The following MRTFA variants were observed in gnomAD, a reference collection of about 807,000 sequenced individuals.
MRTFA encodes the protein myocardin-related transcription factor A.
MRTFA carries 20 observed loss-of-function variants against 83.5 expected under a neutral mutation model. That is an observed-to-expected ratio of 0.24 (90% confidence interval 0.17 to 0.35). The LOEUF is 0.35. Among genes scored for constraint, MRTFA ranks in the 10% least tolerant of loss-of-function variants. The probability of loss-of-function intolerance (pLI) is 1.00; values close to 1 mark genes in which losing one functional copy is unlikely to be tolerated. For missense variants in MRTFA, 1,200 were observed against 1,224.7 expected (o/e 0.98, Z 0.30); for synonymous variants, 659 against 541.2 (o/e 1.22, Z -3.02).
rs376579983 is a variant in MRTFA at position 40,411,350 on chromosome 22, G to A, written c.*40C>T. On this transcript the variant is annotated 3_prime_UTR_variant, in exon 15 of 15. Coordinates refer to ENST00000355630, the MANE Select transcript of MRTFA (RefSeq NM_020831.6). ...GGAGAGCCACGCATTGGAGTACCCT[G>A]GCTCCCAGCCCCTTCCCCACCCCGT... The A allele has an allele frequency of 3.3e-6, 5 of 1,524,348 alleles. No homozygotes were observed. Among genetic ancestry groups the A allele is most frequent in the East Asian group, 2.3e-5 (1 of 43,758 alleles). The allele number at this position is 1,524,348 out of a possible 1,614,324, so 94.4% of individuals were successfully genotyped here.
At chr22:40,523,024 G>C (rs144055131) in intron 3 of MRTFA, 3 of 151,952 alleles carry the variant, frequency 2.0e-5, no homozygotes, top group African/African-American at 7.2e-5. Flanking sequence ...GTAAAACCAA[G>C]GTTTGTTATC....
intron 3 of MRTFA, among the ~76,000 whole-genome samples, chr22:40,495,826 G>T (rs1304489304): frequency 6.6e-6 from 1 of 151,026 alleles, no homozygotes; most frequent in Non-Finnish European, 1.5e-5. Flanking sequence ...TCCAGCACTT[G>T]GGAGGCTGAG....
chr22:40,599,534 T>G (rs1280024448), intron 1 of MRTFA, among the ~76,000 whole-genome samples: 1 of 152,146 alleles, frequency 6.6e-6, no homozygotes, highest in African/African-American at 2.4e-5. Flanking sequence ...GGGTCTTCTT[T>G]CAAACAAGCA....
intron 1 of MRTFA, among the ~76,000 whole-genome samples, chr22:40,617,256 A>G (rs1442180592): frequency 2.7e-5 from 4 of 150,772 alleles, no homozygotes; most frequent in Non-Finnish European, 5.9e-5. Context: ...AATGATGAAG[A>G]TACACATTTG....
chr22:40,418,955 G>T lies in MRTFA; in HGVS notation c.1783C>A (p.Gln595Lys). Residue 595 changes from glutamine (Q) to lysine (K), a missense_variant, in exon 12 of 15, where the codon CAG becomes AAG. Physicochemically the swap from Gln to Lys is moderately conservative, Grantham distance 53. Transcript: ENST00000355630. ...GGGCCCTCCTCCTTCACGAGGATCT[G>T]CAGTGGCGAGGCCTGCAGGGTCAGC... 1 of 1,612,910 alleles carries T rather than the reference G, an allele frequency of 6.2e-7. No homozygotes were observed. Among genetic ancestry groups the T allele is most frequent in the African/African-American group, 1.3e-5 (1 of 75,050 alleles).
At chr22:40,595,005 CACA>C (rs1181576806) in intron 1 of MRTFA, among the ~76,000 whole-genome samples, 1 of 151,648 alleles carries the variant, frequency 6.6e-6, no homozygotes, top group Non-Finnish European at 1.5e-5. Flanking sequence ...AACTAATTCT[CACA>C]ACAACTCTAT....
chr22:40,542,826 G>T (rs2055311313), intron 3 of MRTFA, among the ~76,000 whole-genome samples: 1 of 152,172 alleles, frequency 6.6e-6, no homozygotes, highest in Non-Finnish European at 1.5e-5. Context: ...TGGGTCTGTA[G>T]TATTAGCTCA....
intron 14 of MRTFA, among the ~76,000 whole-genome samples, chr22:40,414,211 C>T (rs1441628836): frequency 6.6e-6 from 1 of 152,072 alleles, no homozygotes. Context: ...GGCGTGGCGG[C>T]GGGTGCCTGT....
Position 40,470,981 on chromosome 22 carries a change from C to CA in MRTFA, c.242-7696dup, listed in dbSNP as rs1353151363. 9.9e-5 allele frequency among the ~76,000 whole-genome samples: 15 copies of CA among 151,862 alleles called. No homozygotes were observed. In the East Asian group the frequency reaches 2.9e-3, roughly 29 times the overall value. On this transcript the variant is annotated intron_variant, in intron 3 of 14. Coordinates refer to ENST00000355630, the MANE Select transcript of MRTFA (RefSeq NM_020831.6). ...AAAACAAAACAAAAAACAAAAACAA[C>CA]AGAGAAAATCAATAGTCATAAAAGT... is the stretch of plus-strand genomic sequence containing the variant.
chr22:40,418,349 C>T (rs1202248344), intron 12 of MRTFA, 25 bp downstream of exon 12: 5 of 1,608,910 alleles, frequency 3.1e-6, no homozygotes, highest in Non-Finnish European at 4.2e-6. Context: ...CTGGGCCCTG[C>T]CCGGTTCCTC....
intron 3 of MRTFA, among the ~76,000 whole-genome samples, chr22:40,507,418 A>G (rs2054597574): frequency 6.6e-6 from 1 of 152,002 alleles, no homozygotes. Flanking sequence ...GGCTCACTTA[A>G]GCCCAGGAGT....
chr22:40,560,519 G>A (rs1384621038), intron 2 of MRTFA, among the ~76,000 whole-genome samples: 1 of 152,150 alleles, frequency 6.6e-6, no homozygotes, highest in African/African-American at 2.4e-5. Flanking sequence ...CAAAAATGTT[G>A]AGGTATAGCC....
chr22:40,421,046 C>T lies in MRTFA; in HGVS notation c.982G>A (p.Glu328Lys). ...AGCTTCTTCACCTTTGGCTTCAGCT[C>T]CTTGGCCTTCTTGCTGCGCTGTGAC... The change falls in exon 10 of 15, where the codon GAG becomes AAG. Residue 328 changes from glutamate to lysine, a missense_variant. Glu to Lys is a moderately conservative substitution (Grantham distance 56). Transcript: ENST00000355630. 2.6e-6 allele frequency: 4 copies of T among 1,567,084 alleles called. No homozygotes were observed. Among genetic ancestry groups the T allele is most frequent in the Non-Finnish European group, 3.5e-6 (4 of 1,154,652 alleles).
At chr22:40,571,920 T>A (rs1300103791) in intron 2 of MRTFA, among the ~76,000 whole-genome samples, 7 of 37,256 alleles carry the variant, frequency 1.9e-4, no homozygotes, top group Non-Finnish European at 2.8e-4. Flanking sequence ...CAAGACTCTG[T>A]CAAAAAAAAA....
chr22:40,584,253 G>C (rs2055991202), intron 2 of MRTFA, among the ~76,000 whole-genome samples: 2 of 152,196 alleles, frequency 1.3e-5, no homozygotes, highest in Admixed American at 1.3e-4. Flanking sequence ...CTAAAGCTCA[G>C]AAGGGTTGTA....
chr22:40,572,559 GT>G (rs979881108), intron 2 of MRTFA, among the ~76,000 whole-genome samples: 1 of 151,738 alleles, frequency 6.6e-6, no homozygotes, highest in African/African-American at 2.4e-5. Flanking sequence ...CAGTAAAGCT[GT>G]TTTTTTAAAA....
At chr22:40,604,344 A>G (rs1021325707) in intron 1 of MRTFA, among the ~76,000 whole-genome samples, 6 of 151,648 alleles carry the variant, frequency 4.0e-5, no homozygotes, top group African/African-American at 1.5e-4. Context: ...CTTAGCCAGG[A>G]TGGTCTCAAT....
At chr22:40,558,491 T>C (rs923402292) in intron 2 of MRTFA, among the ~76,000 whole-genome samples, 5 of 152,024 alleles carry the variant, frequency 3.3e-5, no homozygotes, top group African/African-American at 4.8e-5. Flanking sequence ...CTACTTTGAA[T>C]TATTATTATT....
intron 2 of MRTFA, among the ~76,000 whole-genome samples, chr22:40,557,713 G>A (rs558122241): frequency 6.6e-6 from 1 of 152,200 alleles, no homozygotes; most frequent in African/African-American, 2.4e-5. Context: ...GAGGAAAGGT[G>A]AATTTAATGT....
Sources: gnomAD v4.1 joint callset for allele counts (sites outside exome capture counted in the v4.1 genomes callset) on GRCh38, gnomAD v4.1.1 for gene constraint, MANE v1.5 for transcripts, NCBI Gene and HGNC (gene_info 2026-07-23, HGNC 2026-07-21) for gene names.